The following LCORL variants were observed in gnomAD, a reference collection of about 807,000 sequenced individuals.
The protein encoded by LCORL is ligand-dependent nuclear receptor corepressor-like protein.
In LCORL, 41 loss-of-function variants were observed where a neutral mutation model predicts 141.8. The ratio of observed to expected loss-of-function variants is 0.29; its 90% CI spans 0.23 to 0.38. The LOEUF (loss-of-function observed/expected upper bound fraction) is 0.38, where lower values mean the gene tolerates loss of function less well. Ranked by LOEUF, LCORL falls within the 10% of genes least tolerant of loss-of-function variation. The pLI is 1.00. For missense variants in LCORL, 1,759 were observed against 2,035.0 expected (o/e 0.86, Z 2.61); for synonymous variants, 618 against 694.1 (o/e 0.89, Z 1.72).
chr4:17,896,129 G>A (rs1444252567), intron 5 of LCORL, among the ~76,000 whole-genome samples: 1 of 152,124 alleles, frequency 6.6e-6, no homozygotes, highest in African/African-American at 2.4e-5. Context: ...TTCCAAAGGG[G>A]TTGCATCATT....
intron 4 of LCORL, among the ~76,000 whole-genome samples, chr4:17,923,357 G>A (rs1446372945): frequency 6.6e-6 from 1 of 152,126 alleles, no homozygotes; most frequent in African/African-American, 2.4e-5. Flanking sequence ...ATTAAATATG[G>A]GCTCAAGGCC....
Position 17,886,167 on chromosome 4 carries a change from A to T in LCORL, c.683-6T>A. 6.6e-7 allele frequency: 1 copy of T among 1,519,748 alleles called. No homozygotes were observed. Among genetic ancestry groups the T allele is most frequent in the Non-Finnish European group, 9.0e-7 (1 of 1,107,368 alleles). 94.1% of individuals were successfully genotyped at this position (1,519,748 alleles called of 1,614,324 possible). On this transcript the variant is annotated splice_region_variant and splice_polypyrimidine_tract_variant and intron_variant, in intron 5 of 7. Coordinates refer to ENST00000635767, the Ensembl canonical transcript of LCORL. ...GAGATCTAACACTCCATCCCCTATAATTTTTGCAAGAGAAAAAACTTTATA... is the reference window on the plus strand; with the variant it reads ...GAGATCTAACACTCCATCCCCTATATTTTTTGCAAGAGAAAAAACTTTATA...
chr4:17,890,315 T>C (rs1010938421), intron 5 of LCORL, among the ~76,000 whole-genome samples: 1 of 152,120 alleles, frequency 6.6e-6, no homozygotes, highest in Non-Finnish European at 1.5e-5. Context: ...AGACAGTGTA[T>C]TTATTATGCC....
At chr4:17,879,634 T>TA (rs1399972314) in intron 6 of LCORL, among the ~76,000 whole-genome samples, 2 of 151,026 alleles carry the variant, frequency 1.3e-5, no homozygotes, top group Non-Finnish European at 3.0e-5. Context: ...TACATAGTTT[T>TA]AAAAAATATA....
chr4:17,869,774 C>T (rs1341493989), intron 7 of LCORL, among the ~76,000 whole-genome samples: 1 of 152,092 alleles, frequency 6.6e-6, no homozygotes, highest in Non-Finnish European at 1.5e-5. Flanking sequence ...ATATCCATAA[C>T]TGCTTCCTAA....
intron 5 of LCORL, among the ~76,000 whole-genome samples, chr4:17,908,220 TG>T (rs139389190): frequency 0.074 from 11,213 of 152,058 alleles, 944 homozygotes; most frequent in African/African-American, 0.21. Context: ...TTAGTAGAGA[TG>T]GGGTTTCTCC....
chr4:17,910,246 G>A (rs147273705), intron 4 of LCORL, among the ~76,000 whole-genome samples: 5 of 152,276 alleles, frequency 3.3e-5, no homozygotes, highest in Non-Finnish European at 5.9e-5. Flanking sequence ...GCACAATAGC[G>A]ATACAGAGAT....
chr4:17,970,015 T>C (rs555680932), intron 2 of LCORL, among the ~76,000 whole-genome samples: 1 of 152,244 alleles, frequency 6.6e-6, no homozygotes, highest in Admixed American at 6.6e-5. Flanking sequence ...CAAAACTGAA[T>C]TACCCTGCTC....
chr4:17,929,592 C>CCA (rs1180576103), intron 4 of LCORL, among the ~76,000 whole-genome samples: 11 of 152,012 alleles, frequency 7.2e-5, no homozygotes, highest in Non-Finnish European at 1.6e-4. Context: ...GGCCTCTACC[C>CCA]CACACTATAT....
intron 1 of LCORL, among the ~76,000 whole-genome samples, chr4:17,998,964 C>CAAA (rs775544332): frequency 2.5e-4 from 11 of 44,818 alleles, no homozygotes; most frequent in East Asian, 1.3e-3. Context: ...GACCCTGTCT[C>CAAA]AAAAAAAAAA....
At chr4:17,918,348 A>G (rs566145100) in intron 4 of LCORL, among the ~76,000 whole-genome samples, 2 of 152,324 alleles carry the variant, frequency 1.3e-5, no homozygotes, top group Non-Finnish European at 2.9e-5. Context: ...CATGGGGGAA[A>G]AAGTCCACAG....
intron 7 of LCORL, among the ~76,000 whole-genome samples, chr4:17,872,003 ACTG>A (rs1156249504): frequency 6.6e-6 from 1 of 152,072 alleles, no homozygotes; most frequent in African/African-American, 2.4e-5. Context: ...TCAAGAATTT[ACTG>A]CTTTTACTAT....
exon 7 of LCORL, chr4:17,877,657 G>A: frequency 8.1e-7 from 1 of 1,230,282 alleles, no homozygotes; most frequent in Non-Finnish European, 1.0e-6. Flanking sequence ...GTTTCTATAG[G>A]TGATAATGGT....
chr4:18,015,666 T>C (rs1488365984), intron 1 of LCORL, among the ~76,000 whole-genome samples: 2 of 151,722 alleles, frequency 1.3e-5, no homozygotes, highest in Non-Finnish European at 2.9e-5. Context: ...ACCAGTCCCA[T>C]CAATCCAGAT....
At chr4:17,888,665 G>A (rs1409727488) in intron 5 of LCORL, among the ~76,000 whole-genome samples, 1 of 152,104 alleles carries the variant, frequency 6.6e-6, no homozygotes, top group Non-Finnish European at 1.5e-5. Context: ...TTTCTCCCAT[G>A]AGACTGAATC....
chr4:17,915,156 C>A (rs1733199976), intron 4 of LCORL, among the ~76,000 whole-genome samples: 1 of 151,678 alleles, frequency 6.6e-6, no homozygotes, highest in South Asian at 2.1e-4. Flanking sequence ...ATCCCTTCAT[C>A]TCTCTCTCTC....
chr4:17,938,543 A>T lies in LCORL; in HGVS notation c.430+23360T>A, dbSNP rs371232533. Among the ~76,000 whole-genome samples, 28 of 150,204 alleles carry T rather than the reference A, an allele frequency of 1.9e-4. 1 individual carries two copies. In the South Asian group the frequency reaches 3.2e-3, roughly 17 times the overall value. ...GCAATTGTCCTGCGTCAGCCTCCCG[A>T]GTAGCTGAGATTACAGGCATGCACC... On this transcript the variant is annotated intron_variant, in intron 4 of 7. Coordinates refer to ENST00000635767, the Ensembl canonical transcript of LCORL.
chr4:17,900,167 A>G (rs1484757931), intron 5 of LCORL, among the ~76,000 whole-genome samples: 1 of 152,118 alleles, frequency 6.6e-6, no homozygotes, highest in Non-Finnish European at 1.5e-5. Context: ...GAACTTCTGA[A>G]TTTAAAAAGT....
intron 1 of LCORL, among the ~76,000 whole-genome samples, chr4:17,979,537 T>C (rs1221455917): frequency 6.6e-6 from 1 of 152,266 alleles, no homozygotes; most frequent in East Asian, 1.9e-4. Flanking sequence ...TTTCTTTAAA[T>C]ATGAAATATT....
Sources: gnomAD v4.1 joint callset for allele counts (sites outside exome capture counted in the v4.1 genomes callset) on GRCh38, gnomAD v4.1.1 for gene constraint, MANE v1.5 for transcripts, NCBI Gene and HGNC (gene_info 2026-07-23, HGNC 2026-07-21) for gene names.